HTR1F: variants seen among roughly 807,000 people sequenced by gnomAD.
HTR1F encodes the protein 5-hydroxytryptamine receptor 1F.
A neutral mutation model predicts 24.0 loss-of-function variants in HTR1F; 17 were observed. That is an observed-to-expected ratio of 0.71 (90% CI 0.48 to 1.06). The LOEUF is 1.06. Ranked by LOEUF, HTR1F falls within the 50% of genes least tolerant of loss-of-function variation. HTR1F has a pLI of 0.00. For missense variants in HTR1F, 391 were observed against 427.8 expected, an observed-to-expected ratio of 0.91 and a Z score of 0.76; for synonymous variants, 186 against 156.8, an observed-to-expected ratio of 1.19 and a Z score of -1.39.
At chr3:87,902,827 C>A (rs1706358926) in intron 2 of HTR1F, among the ~76,000 whole-genome samples, 1 of 147,852 alleles carries the variant, frequency 6.8e-6, no homozygotes. Context: ...CAATTCCCAC[C>A]TATGAGTGAG....
intron 2 of HTR1F, among the ~76,000 whole-genome samples, chr3:87,861,781 G>A (rs2932286): frequency 0.92 from 140,420 of 152,198 alleles, 64,917 homozygotes; most frequent in African/African-American, 0.98. Flanking sequence ...GCTTTTGCTG[G>A]TATTAATTTT....
At position 87,991,283 on chromosome 3, in the gene HTR1F, C is replaced by A; in HGVS notation, c.534C>A (p.His178Gln). Residue 178 changes from histidine to glutamine, a missense_variant, in exon 3 of 3, where the codon CAC becomes CAA. Physicochemically the swap from His to Gln is conservative, Grantham distance 24 (BLOSUM62 0). Transcript: ENST00000319595. The part of the protein sequence containing the change: ...RDDECIIKHD[H>Q]IVSTIYSTFG... ...ATGAATGCATCATCAAGCACGACCA[C>A]ATTGTTTCCACCATTTACTCAACAT... 6.2e-7 allele frequency: 1 copy of A among 1,614,042 alleles called. No individual in the cohort carries two copies. Among genetic ancestry groups the A allele is most frequent in the African/African-American group, 1.3e-5 (1 of 75,056 alleles).
At chr3:87,921,245 G>A (rs1704006991) in intron 2 of HTR1F, among the ~76,000 whole-genome samples, 1 of 151,928 alleles carries the variant, frequency 6.6e-6, no homozygotes, top group African/African-American at 2.4e-5. Context: ...AGGGCATCTA[G>A]TGTTTAAATA....
chr3:87,988,734 AAT>A (rs752354948), intron 2 of HTR1F, among the ~76,000 whole-genome samples: 12 of 143,208 alleles, frequency 8.4e-5, no homozygotes, highest in East Asian at 2.2e-4. Context: ...AAGCCCCAAT[AAT>A]TTTTTTTTTT....
At chr3:87,866,541 G>A (rs1294154580) in intron 2 of HTR1F, among the ~76,000 whole-genome samples, 1 of 152,156 alleles carries the variant, frequency 6.6e-6, no homozygotes, top group Non-Finnish European at 1.5e-5. Flanking sequence ...TACATTGTAA[G>A]AGAATTCAAC....
intron 2 of HTR1F, among the ~76,000 whole-genome samples, chr3:87,979,786 A>G (rs1430531810): frequency 6.6e-6 from 1 of 152,202 alleles, no homozygotes; most frequent in East Asian, 1.9e-4. Context: ...GTTACTGCAC[A>G]TAGCCAGGCG....
Position 87,993,673 on chromosome 3 carries a change from T to A in HTR1F, c.*1823T>A, listed in dbSNP as rs796575016. ...AATAGCAATGAGTTTGGCAACTATT[T>A]AGAGCAATAGAGGAAAAGGATATTA... On this transcript the variant is annotated 3_prime_UTR_variant, in exon 3 of 3. Transcript: ENST00000319595. The A allele has an allele frequency of 1.8e-5, 3 of 166,992 alleles. No homozygotes were observed. The highest frequency in any genetic ancestry group is 4.4e-5 in the Non-Finnish European group (3 of 68,112). 10.3% of individuals were successfully genotyped at this position (166,992 alleles called of 1,614,324 possible). A position where few individuals can be genotyped will look rare whatever the true frequency, so the allele number is the denominator to read the frequency against.
At chr3:87,913,774 G>A (rs1370625738) in intron 2 of HTR1F, among the ~76,000 whole-genome samples, 1 of 152,148 alleles carries the variant, frequency 6.6e-6, no homozygotes, top group Non-Finnish European at 1.5e-5. Context: ...ATGAGATCAT[G>A]TCCTTTGCAG....
chr3:87,988,080 T>C (rs1222814113), intron 2 of HTR1F, among the ~76,000 whole-genome samples: 1 of 151,788 alleles, frequency 6.6e-6, no homozygotes, highest in Non-Finnish European at 1.5e-5. Context: ...AGCATCAGTA[T>C]CACCCGGGAA....
chr3:87,940,102 T>G (rs1223383742), intron 2 of HTR1F, among the ~76,000 whole-genome samples: 1 of 152,192 alleles, frequency 6.6e-6, no homozygotes, highest in Admixed American at 6.5e-5. Context: ...TATTTATTTC[T>G]GCCTTAATTT....
At chr3:87,853,988 T>C (rs1289648287) in intron 2 of HTR1F, among the ~76,000 whole-genome samples, 2 of 151,936 alleles carry the variant, frequency 1.3e-5, no homozygotes, top group Non-Finnish European at 2.9e-5. Flanking sequence ...CATGAATGAC[T>C]GCTTTTTAAA....
At chr3:87,879,289 A>G (rs1705735564) in intron 2 of HTR1F, among the ~76,000 whole-genome samples, 1 of 152,228 alleles carries the variant, frequency 6.6e-6, no homozygotes, top group South Asian at 2.1e-4. Context: ...TCACCCTGAG[A>G]GTATAATGCA....
chr3:87,871,968 G>C (rs1705568560), intron 2 of HTR1F, among the ~76,000 whole-genome samples: 1 of 152,046 alleles, frequency 6.6e-6, no homozygotes, highest in Non-Finnish European at 1.5e-5. Flanking sequence ...TATTCCAAGA[G>C]TTCACAGAAC....
intron 2 of HTR1F, among the ~76,000 whole-genome samples, chr3:87,940,138 GA>G (rs1457540373): frequency 2.1e-4 from 32 of 152,138 alleles, no homozygotes; most frequent in African/African-American, 7.2e-4. Context: ...AGTCATTCAG[GA>G]GCAGGTTGTT....
intron 2 of HTR1F, among the ~76,000 whole-genome samples, chr3:87,926,319 GCA>G (rs1483755400): frequency 6.6e-6 from 1 of 152,144 alleles, no homozygotes; most frequent in Non-Finnish European, 1.5e-5. Flanking sequence ...AGTAGGATAT[GCA>G]CAGAGATAAA....
chr3:87,969,177 T>C (rs1352840062), intron 2 of HTR1F, among the ~76,000 whole-genome samples: 4 of 152,234 alleles, frequency 2.6e-5, no homozygotes, highest in African/African-American at 7.2e-5. Flanking sequence ...GAACGTGTGA[T>C]TGAAGCTCTC....
chr3:87,953,385 G>A (rs1435621820), intron 2 of HTR1F, among the ~76,000 whole-genome samples: 1 of 151,140 alleles, frequency 6.6e-6, no homozygotes, highest in Non-Finnish European at 1.5e-5. Context: ...AGTGAGCAAA[G>A]GATCTGCATA....
chr3:87,808,091 G>A (rs1455758634), intron 1 of HTR1F, among the ~76,000 whole-genome samples: 1 of 151,550 alleles, frequency 6.6e-6, no homozygotes, highest in Non-Finnish European at 1.5e-5. Flanking sequence ...CTTTTGTTGT[G>A]CCCTTGTCTG....
At chr3:87,901,895 G>A (rs1175587916) in intron 2 of HTR1F, among the ~76,000 whole-genome samples, 2 of 152,016 alleles carry the variant, frequency 1.3e-5, no homozygotes, top group African/African-American at 4.8e-5. Flanking sequence ...CAAAAGATCA[G>A]CACGACCTCT....
Sources: gnomAD v4.1 joint callset for allele counts (sites outside exome capture counted in the v4.1 genomes callset) on GRCh38, gnomAD v4.1.1 for gene constraint, MANE v1.5 for transcripts, NCBI Gene and HGNC (gene_info 2026-07-23, HGNC 2026-07-21) for gene names.